DCC: variants seen among roughly 807,000 people sequenced by gnomAD.
The protein encoded by DCC is netrin receptor DCC.
Under a neutral mutation model 172.5 loss-of-function variants are expected in DCC, and 58 were observed. The ratio of observed to expected loss-of-function variants is 0.34; its 90% confidence interval spans 0.27 to 0.42. DCC has a LOEUF of 0.42. DCC is among the 10% of genes least tolerant of loss of function. DCC has a pLI of 1.00. For synonymous variants in DCC, 709 were observed against 644.5 expected (o/e 1.10, Z -1.52); for missense variants, 1,740 against 1,791.0 (o/e 0.97, Z 0.51).
chr18:52,821,540 C>T (rs562116580), intron 2 of DCC, among the ~76,000 whole-genome samples: 11 of 152,158 alleles, frequency 7.2e-5, no homozygotes, highest in South Asian at 4.1e-4. Context: ...TCATTCATTC[C>T]GGCTTTAGCC....
chr18:52,508,106 A>G (rs1318800013), intron 1 of DCC, among the ~76,000 whole-genome samples: 2 of 152,064 alleles, frequency 1.3e-5, no homozygotes, highest in Admixed American at 1.3e-4. Flanking sequence ...TCTCAAAAAA[A>G]AAAAATTATT....
At chr18:52,435,169 T>C (rs1372735893) in intron 1 of DCC, among the ~76,000 whole-genome samples, 1 of 152,224 alleles carries the variant, frequency 6.6e-6, no homozygotes, top group African/African-American at 2.4e-5. Flanking sequence ...TCTGCTCATC[T>C]TCCTGCCTGG....
chr18:53,030,195 C>A (rs536689161), intron 5 of DCC, among the ~76,000 whole-genome samples: 1 of 152,178 alleles, frequency 6.6e-6, no homozygotes, highest in Admixed American at 6.5e-5. Flanking sequence ...CAATTATTAT[C>A]CCCCCATTCC....
Position 53,179,142 on chromosome 18 carries a change from A to G in DCC, c.1573+26A>G, listed in dbSNP as rs367870389. On this transcript the variant is annotated intron_variant, in intron 9 of 28. Coordinates refer to ENST00000442544, the MANE Select transcript of DCC (RefSeq NM_005215.4). ...GTGAGTATGAAAAGGAACGGGCCAC[A>G]TTTAAAAAGTATTTATTTTCCTCTG... is the stretch of plus-strand genomic sequence containing the variant. The G allele has an allele frequency of 6.2e-6, 10 of 1,607,830 alleles. No individual in the cohort carries two copies. The African/African-American group carries it at 9.4e-5, about 15-fold the overall frequency.
intron 3 of DCC, among the ~76,000 whole-genome samples, chr18:52,918,798 C>T (rs2145476929): frequency 6.6e-6 from 1 of 152,182 alleles, no homozygotes; most frequent in Middle Eastern, 3.4e-3. Flanking sequence ...AACATTTCAG[C>T]AGTGCAAAAA....
intron 4 of DCC, among the ~76,000 whole-genome samples, chr18:52,924,357 A>G (rs1009267439): frequency 2.4e-4 from 37 of 152,134 alleles, no homozygotes; most frequent in Non-Finnish European, 1.5e-5. Context: ...CTAAGGGGAA[A>G]AATGAAACTA....
At chr18:52,399,616 A>T (rs1047075852) in intron 1 of DCC, among the ~76,000 whole-genome samples, 2 of 152,032 alleles carry the variant, frequency 1.3e-5, no homozygotes, top group African/African-American at 4.8e-5. Flanking sequence ...TCTCTGCTTC[A>T]TCCTCAAGGC....
At chr18:53,020,631 C>T (rs1038054342) in intron 5 of DCC, among the ~76,000 whole-genome samples, 3 of 152,136 alleles carry the variant, frequency 2.0e-5, no homozygotes, top group Non-Finnish European at 2.9e-5. Flanking sequence ...TGAACAATAT[C>T]TATTGAGGCA....
intron 1 of DCC, among the ~76,000 whole-genome samples, chr18:52,748,283 G>A (rs11877285): frequency 6.6e-6 from 1 of 152,186 alleles, no homozygotes; most frequent in African/African-American, 2.4e-5. Context: ...GGAACACGGT[G>A]ACACCCAAAA....
At chr18:53,073,994 A>G (rs1034908309) in intron 7 of DCC, among the ~76,000 whole-genome samples, 3 of 151,994 alleles carry the variant, frequency 2.0e-5, no homozygotes, top group Non-Finnish European at 2.9e-5. Context: ...GTGTGAAGCA[A>G]TGAACATTGA....
At chr18:53,126,964 C>T (rs2043566403) in intron 7 of DCC, among the ~76,000 whole-genome samples, 3 of 152,060 alleles carry the variant, frequency 2.0e-5, no homozygotes, top group African/African-American at 7.2e-5. Flanking sequence ...TTTAAGGACA[C>T]AAGAGAGAAA....
chr18:52,700,198 AC>A (rs1323123248), intron 1 of DCC, among the ~76,000 whole-genome samples: 8 of 119,620 alleles, frequency 6.7e-5, no homozygotes, highest in African/African-American at 2.5e-4. Flanking sequence ...ACACACACGC[AC>A]ATACACACAT....
chr18:53,472,564 AAT>A (rs1239865894), intron 25 of DCC, among the ~76,000 whole-genome samples: 1 of 152,142 alleles, frequency 6.6e-6, no homozygotes, highest in Non-Finnish European at 1.5e-5. Flanking sequence ...TGTCCCATCT[AAT>A]TAGAAATATC....
intron 1 of DCC, among the ~76,000 whole-genome samples, chr18:52,375,159 T>C (rs981538563): frequency 6.6e-6 from 1 of 152,234 alleles, no homozygotes. Flanking sequence ...GATTTTTAGT[T>C]ATATATAGTC....
At chr18:52,901,490 A>C (rs569910826) in intron 2 of DCC, among the ~76,000 whole-genome samples, 1 of 152,274 alleles carries the variant, frequency 6.6e-6, no homozygotes, top group East Asian at 1.9e-4. Flanking sequence ...CATTTGAAAG[A>C]GTTTGGTACC....
At chr18:53,211,758 A>G (rs1302511634) in intron 11 of DCC, among the ~76,000 whole-genome samples, 1 of 152,120 alleles carries the variant, frequency 6.6e-6, no homozygotes, top group African/African-American at 2.4e-5. Flanking sequence ...TATAAAATAA[A>G]TATGAATTAC....
intron 1 of DCC, among the ~76,000 whole-genome samples, chr18:52,439,086 C>T (rs925637347): frequency 6.6e-6 from 1 of 151,916 alleles, no homozygotes; most frequent in Non-Finnish European, 1.5e-5. Flanking sequence ...GAAATTAATA[C>T]ACGTTTTCCT....
At chr18:52,908,979 TAAAG>T (rs1598919611) in intron 3 of DCC, among the ~76,000 whole-genome samples, 1 of 152,280 alleles carries the variant, frequency 6.6e-6, no homozygotes, top group East Asian at 1.9e-4. Context: ...AGCTGCCAAA[TAAAG>T]AACCTGCTAA....
chr18:52,693,578 T>G (rs947482932), intron 1 of DCC, among the ~76,000 whole-genome samples: 1 of 151,668 alleles, frequency 6.6e-6, no homozygotes, highest in Non-Finnish European at 1.5e-5. Context: ...AACAAGTATA[T>G]CCAATGCCTC....
Sources: gnomAD v4.1 joint callset for allele counts (sites outside exome capture counted in the v4.1 genomes callset) on GRCh38, gnomAD v4.1.1 for gene constraint, MANE v1.5 for transcripts, NCBI Gene and HGNC (gene_info 2026-07-23, HGNC 2026-07-21) for gene names.